The following SATB1 variants were observed in gnomAD, a reference collection of about 807,000 sequenced individuals.
The protein encoded by SATB1 is DNA-binding protein SATB1.
SATB1 carries 11 observed loss-of-function variants against 86.9 expected under a neutral mutation model. The observed-to-expected ratio is 0.13, with a 90% confidence interval of 0.08 to 0.21. The LOEUF (loss-of-function observed/expected upper bound fraction) is 0.21, where lower values mean the gene tolerates loss of function less well. Among genes scored for constraint, SATB1 ranks in the 10% least tolerant of loss-of-function variants. The probability of loss-of-function intolerance (pLI) is 1.00; values close to 1 mark genes in which losing one functional copy is unlikely to be tolerated. For missense variants in SATB1, 551 were observed against 937.6 expected (o/e 0.59, Z 5.39); for synonymous variants, 357 against 357.2 (o/e 1.00, Z 0.01).
At position 18,420,596 on chromosome 3, in the gene SATB1, G is replaced by A. The variant is rs1698330859; in HGVS notation, c.211+161C>T. 7.9e-6 allele frequency: 5 copies of A among 635,992 alleles called. No individual in the cohort carries two copies. The Admixed American group carries it at 1.1e-4, about 14-fold the overall frequency. 39.4% of individuals were successfully genotyped at this position (635,992 alleles called of 1,614,324 possible). A position where few individuals can be genotyped will look rare whatever the true frequency, so the allele number is the denominator to read the frequency against. ...AAGCATGGAGGCTATACTTTCCAAC[G>A]TGATTGATACTAAGGACCCAGAATG... On this transcript the variant is annotated intron_variant, in intron 2 of 10. Transcript: ENST00000338745.
Position 18,349,650 on chromosome 3 carries a change from C to CTGT in SATB1, c.1811_1812insACA (p.Gln607dup). On this transcript the variant is annotated inframe_insertion, in exon 11 of 11. Transcript: ENST00000338745. This position sits in a 1 kb window ranked among gnomAD's most constrained non-coding sequence, Gnocchi z 5.5. Reference sequence around the variant, plus strand: ...GTGGAGGCGGCGGTGCCTGCTGCTGCTGCTGCTGCTGTTGCTGTTGCTGCT... The same window carrying CTGT: ...GTGGAGGCGGCGGTGCCTGCTGCTGCTGTTGCTGCTGCTGTTGCTGTTGCTGCT... 1 of 1,611,092 alleles carries CTGT rather than the reference C, an allele frequency of 6.2e-7. No individual in the cohort carries two copies. Among genetic ancestry groups the CTGT allele is most frequent in the Non-Finnish European group, 8.5e-7 (1 of 1,179,032 alleles).
chr3:18,385,124 TTGAA>T (rs1249678435), intron 8 of SATB1, among the ~76,000 whole-genome samples: 2 of 152,178 alleles, frequency 1.3e-5, no homozygotes, highest in South Asian at 2.1e-4. Flanking sequence ...CTCTTTAGTG[TTGAA>T]TGAGTTTTTT....
At position 18,385,701 on chromosome 3, in the gene SATB1, G is replaced by A. The variant is rs540386189; in HGVS notation, c.1419+698C>T. Among the ~76,000 whole-genome samples, 9 of 152,038 alleles carry A rather than the reference G, an allele frequency of 5.9e-5. 1 individual carries two copies. In the South Asian group the frequency reaches 1.9e-3, roughly 32 times the overall value. On this transcript the variant is annotated intron_variant, in intron 8 of 10. Transcript: ENST00000338745. ...CACTAACTAGCAAACTTTTATCTAA[G>A]GGTTTGTAATGCAAATTGATTTACT...
At chr3:18,426,476 A>C (rs920811286), upstream of SATB1, among the ~76,000 whole-genome samples, 1 of 152,248 alleles carries the variant, frequency 6.6e-6, no homozygotes, top group African/African-American at 2.4e-5. This position sits in a 1 kb window ranked among gnomAD's most constrained non-coding sequence, Gnocchi z 4.2. Context: ...CTTCTGCTGT[A>C]ATCTAGGGTA....
At chr3:18,356,631 A>C (rs1292406522) in intron 9 of SATB1, among the ~76,000 whole-genome samples, 2 of 151,894 alleles carry the variant, frequency 1.3e-5, no homozygotes, top group Admixed American at 6.6e-5. Context: ...TACCACATTT[A>C]AATAAAAATC....
intron 7 of SATB1, among the ~76,000 whole-genome samples, chr3:18,388,079 G>C (rs548821813): frequency 1.3e-5 from 2 of 152,248 alleles, no homozygotes; most frequent in African/African-American, 4.8e-5. Flanking sequence ...CTAAAGCCTG[G>C]AAATTGGACC....
intron 8 of SATB1, among the ~76,000 whole-genome samples, chr3:18,382,115 C>T (rs1166026946): frequency 6.6e-6 from 1 of 152,086 alleles, no homozygotes; most frequent in Non-Finnish European, 1.5e-5. Flanking sequence ...TTCATTATAT[C>T]GTAGAGGGAT....
At position 18,444,776 on chromosome 3, in the gene SATB1, T is replaced by G. The variant is rs1699336692; in HGVS notation, c.-25+742A>C. The G allele has an allele frequency of 2.7e-6, 1 of 366,824 alleles. No individual in the cohort carries two copies. Among genetic ancestry groups the G allele is most frequent in the Non-Finnish European group, 3.8e-6 (1 of 265,870 alleles). The allele number at this position is 366,824 out of a possible 1,614,324, so 22.7% of individuals were successfully genotyped here. On this transcript the variant is annotated intron_variant, in intron 1 of 3. Transcript: ENST00000415069. The surrounding 1 kb of genome is among the most constrained non-coding windows in gnomAD (Gnocchi z 5.1). ...GCTGCCGCGGAAGTTAATTGCAACTTGACTTCAAGTTGTCCTCTTTCCCCA... is the reference window on the plus strand; with the variant it reads ...GCTGCCGCGGAAGTTAATTGCAACTGGACTTCAAGTTGTCCTCTTTCCCCA...
At chr3:18,413,989 C>T (rs1697994589) in intron 5 of SATB1, among the ~76,000 whole-genome samples, 2 of 152,004 alleles carry the variant, frequency 1.3e-5, no homozygotes, top group Non-Finnish European at 2.9e-5. Flanking sequence ...CTTCATAAGC[C>T]TCACATTAGA....
upstream of SATB1, among the ~76,000 whole-genome samples, chr3:18,442,273 T>G (rs1388718833): frequency 6.6e-6 from 1 of 152,168 alleles, no homozygotes; most frequent in Non-Finnish European, 1.5e-5. Context: ...TATTCATTAT[T>G]CAGAAATAAA....
intron 9 of SATB1, among the ~76,000 whole-genome samples, chr3:18,363,542 G>C (rs1016073733): frequency 6.6e-6 from 1 of 152,128 alleles, no homozygotes; most frequent in Non-Finnish European, 1.5e-5. Flanking sequence ...CAAGCTCAGA[G>C]AAGGCTCCAG....
At chr3:18,441,907 C>A (rs1173716101), upstream of SATB1, among the ~76,000 whole-genome samples, 1 of 152,100 alleles carries the variant, frequency 6.6e-6, no homozygotes, top group African/African-American at 2.4e-5. Flanking sequence ...CAACAGATTT[C>A]TTTGCAGAAA....
intron 9 of SATB1, among the ~76,000 whole-genome samples, chr3:18,359,624 ATC>A (rs1228782161): frequency 6.6e-6 from 1 of 152,018 alleles, no homozygotes; most frequent in African/African-American, 2.4e-5. Context: ...TGGCTTATAT[ATC>A]TGATACTTGA....
In SATB1 at chr3:18,347,213, T is replaced by G. The variant is rs1174351159; in HGVS notation, c.*1957A>C. On this transcript the variant is annotated 3_prime_UTR_variant, in exon 11 of 11. Transcript: ENST00000338745. ...AAGAGAAGGGGCAATTGCAAAATGG[T>G]ATCTCAAGCAACCCAGATACCCCTA... 6.6e-6 allele frequency: 1 copy of G among 152,094 alleles called. No individual in the cohort carries two copies. The allele number at this position is 152,094 out of a possible 1,614,324, so 9.4% of individuals were successfully genotyped here.
intron 2 of SATB1, chr3:18,417,732 A>T (rs1162627465): frequency 2.9e-6 from 2 of 691,270 alleles, no homozygotes; most frequent in East Asian, 2.7e-5. Flanking sequence ...ATTTGCTTTT[A>T]TGAATACTCA....
chr3:18,361,643 T>C (rs1214282496), intron 9 of SATB1, among the ~76,000 whole-genome samples: 2 of 152,152 alleles, frequency 1.3e-5, no homozygotes, highest in Non-Finnish European at 2.9e-5. Context: ...TGTGGAAATA[T>C]CTAGCAATCA....
At chr3:18,379,032 A>C in intron 8 of SATB1, among the ~76,000 whole-genome samples, 1 of 151,918 alleles carries the variant, frequency 6.6e-6, no homozygotes, top group Middle Eastern at 3.2e-3. Context: ...ACAATAAGAT[A>C]ATGTTTCACA....
chr3:18,369,914 C>T (rs1047108649), intron 9 of SATB1, among the ~76,000 whole-genome samples: 7 of 152,116 alleles, frequency 4.6e-5, no homozygotes, highest in African/African-American at 1.4e-4. Flanking sequence ...TGGCCAGCGC[C>T]GGTTGTGCAG....
chr3:18,445,271 G>C (rs1362028109), intron 1 of SATB1: 17 of 983,902 alleles, frequency 1.7e-5, no homozygotes, highest in African/African-American at 3.5e-5. Context: ...ACTGAAGCCC[G>C]AGCCGAGCCG....
Sources: allele counts gnomAD v4.1 joint callset (sites outside exome capture counted in the v4.1 genomes callset), GRCh38; gene constraint gnomAD v4.1.1; non-coding constraint Gnocchi (gnomAD v3.1); transcripts MANE v1.5; gene names NCBI Gene and HGNC (gene_info 2026-07-23, HGNC 2026-07-21).